Variants in OSBPL10 observed in about 807,000 individuals in gnomAD.
OSBPL10 encodes the protein oxysterol binding protein like 10, also known as oxysterol-binding protein-related protein 10.
Under a neutral mutation model 81.7 loss-of-function variants are expected in OSBPL10, and 49 were observed. That is an observed-to-expected ratio of 0.60 (90% CI 0.48 to 0.76). OSBPL10 has a LOEUF of 0.76. OSBPL10 is among the 30% of genes least tolerant of loss of function. The probability of loss-of-function intolerance (pLI) is 0.00; values close to 1 mark genes in which losing one functional copy is unlikely to be tolerated. For missense variants in OSBPL10, 923 were observed against 987.8 expected (o/e 0.93, Z 0.88); for synonymous variants, 419 against 383.6 (o/e 1.09, Z -1.08).
At chr3:32,023,293 C>A (rs568642495) in intron 2 of OSBPL10, among the ~76,000 whole-genome samples, 1 of 152,164 alleles carries the variant, frequency 6.6e-6, no homozygotes, top group Non-Finnish European at 1.5e-5. Context: ...ATAAGTCTCA[C>A]AGGATCTCAT....
At chr3:32,064,778 A>G (rs1171581186) in intron 1 of OSBPL10, 2 of 93,184 alleles carry the variant, frequency 2.1e-5, no homozygotes, top group African/African-American at 5.5e-5. Context: ...CTCAAGGGGA[A>G]GTGCTACATA....
chr3:31,702,454 C>T lies in OSBPL10; in HGVS notation c.1150G>A (p.Asp384Asn), dbSNP rs138614956. 3.7e-6 allele frequency: 6 copies of T among 1,614,188 alleles called. No homozygotes were observed. Among genetic ancestry groups the T allele is most frequent in the Admixed American group, 1.7e-5 (1 of 60,032 alleles). ...LSEDEKSDNE[D>N]KEETELGVME... ...ACGCCCAATTCCGTCTCTTCCTTAT[C>T]TTCATTGTCACTTTTTTCATCTTCA... The change falls in exon 7 of 12, where the codon GAT becomes AAT. Residue 384 changes from aspartate to asparagine, a missense_variant. Coordinates refer to ENST00000396556, the MANE Select transcript of OSBPL10 (RefSeq NM_017784.5).
intron 4 of OSBPL10, among the ~76,000 whole-genome samples, chr3:31,755,851 C>T (rs1304439769): frequency 6.6e-6 from 1 of 152,214 alleles, no homozygotes. Context: ...ACTCAAAAGA[C>T]ACTTTCTGAA....
chr3:31,804,555 C>T (rs1699476495), intron 4 of OSBPL10, among the ~76,000 whole-genome samples: 1 of 152,162 alleles, frequency 6.6e-6, no homozygotes, highest in Non-Finnish European at 1.5e-5. Context: ...AGAAAAATAT[C>T]TGAAGCCCTT....
intron 1 of OSBPL10, among the ~76,000 whole-genome samples, chr3:31,884,725 T>C (rs1263917127): frequency 6.6e-6 from 1 of 152,186 alleles, no homozygotes; most frequent in Non-Finnish European, 1.5e-5. Flanking sequence ...GATAAAATCC[T>C]GAAACATTCT....
At chr3:31,724,709 TCAGA>T (rs1336262494) in intron 6 of OSBPL10, among the ~76,000 whole-genome samples, 1 of 152,206 alleles carries the variant, frequency 6.6e-6, no homozygotes, top group East Asian at 1.9e-4. Flanking sequence ...TGCCTTGTAC[TCAGA>T]CAGCTCATGA....
At chr3:31,970,904 A>G (rs1232119532) in intron 1 of OSBPL10, among the ~76,000 whole-genome samples, 1 of 152,154 alleles carries the variant, frequency 6.6e-6, no homozygotes, top group East Asian at 1.9e-4. Flanking sequence ...CATGCCTCCA[A>G]ACATTTGTAC....
chr3:31,970,543 G>A (rs1269305370), intron 1 of OSBPL10, among the ~76,000 whole-genome samples: 1 of 152,214 alleles, frequency 6.6e-6, no homozygotes, highest in Non-Finnish European at 1.5e-5. Flanking sequence ...AGGAGGGGGA[G>A]GGATGAAAAT....
intron 4 of OSBPL10, among the ~76,000 whole-genome samples, chr3:31,769,728 T>G (rs1698320427): frequency 6.6e-6 from 1 of 151,998 alleles, no homozygotes; most frequent in Non-Finnish European, 1.5e-5. Context: ...GTTCCCAACC[T>G]TTTCACCACT....
intron 3 of OSBPL10, among the ~76,000 whole-genome samples, chr3:31,833,581 G>A (rs1230372283): frequency 2.6e-5 from 4 of 152,140 alleles, no homozygotes; most frequent in Non-Finnish European, 5.9e-5. Flanking sequence ...ATAAGCAGTC[G>A]CTGAGTCACT....
chr3:31,867,199 T>C (rs13434374), intron 3 of OSBPL10, among the ~76,000 whole-genome samples: 2,795 of 152,220 alleles, frequency 0.018, 96 homozygotes, highest in African/African-American at 0.065. Flanking sequence ...GTGGAGGAGA[T>C]GGGAAACCAG....
chr3:32,039,686 G>C (rs959959339), intron 2 of OSBPL10, among the ~76,000 whole-genome samples: 1 of 151,896 alleles, frequency 6.6e-6, no homozygotes, highest in African/African-American at 2.4e-5. Flanking sequence ...AAATTACTTA[G>C]ATTATTTTAA....
At chr3:31,697,610 C>T (rs1695765590) in intron 7 of OSBPL10, among the ~76,000 whole-genome samples, 1 of 152,178 alleles carries the variant, frequency 6.6e-6, no homozygotes, top group African/African-American at 2.4e-5. Flanking sequence ...ATTATTCTAG[C>T]TGTTCAGGCC....
intron 1 of OSBPL10, among the ~76,000 whole-genome samples, chr3:31,968,199 A>G (rs908817271): frequency 6.6e-6 from 1 of 152,176 alleles, no homozygotes; most frequent in Non-Finnish European, 1.5e-5. Context: ...CTTGACATGG[A>G]TACAGTACTA....
intron 2 of OSBPL10, among the ~76,000 whole-genome samples, chr3:32,024,605 C>T (rs574385513): frequency 2.6e-5 from 4 of 151,638 alleles, no homozygotes; most frequent in South Asian, 2.1e-4. Context: ...CTGCCTCAGC[C>T]CCCCCAGTAG....
chr3:31,920,342 A>G (rs892175426), intron 1 of OSBPL10, among the ~76,000 whole-genome samples: 3 of 152,214 alleles, frequency 2.0e-5, no homozygotes, highest in African/African-American at 7.2e-5. Flanking sequence ...AGGGGATCCT[A>G]GGAAAGAACC....
At chr3:31,871,260 C>G (rs532040536) in intron 3 of OSBPL10, among the ~76,000 whole-genome samples, 1 of 152,174 alleles carries the variant, frequency 6.6e-6, no homozygotes, top group East Asian at 1.9e-4. Context: ...CTGAAGCCAG[C>G]GAGACCATGA....
At chr3:31,761,652 AC>A (rs1575527551) in intron 4 of OSBPL10, among the ~76,000 whole-genome samples, 1 of 151,674 alleles carries the variant, frequency 6.6e-6, no homozygotes, top group East Asian at 1.9e-4. Flanking sequence ...TCCCATCTCT[AC>A]TAAAAATACA....
At chr3:31,739,934 C>A (rs916191139) in intron 5 of OSBPL10, among the ~76,000 whole-genome samples, 4 of 152,122 alleles carry the variant, frequency 2.6e-5, no homozygotes, top group African/African-American at 9.7e-5. Flanking sequence ...TGAACTTCAT[C>A]TTTTTATCTT....
Sources: allele counts gnomAD v4.1 joint callset (sites outside exome capture counted in the v4.1 genomes callset), GRCh38; gene constraint gnomAD v4.1.1; transcripts MANE v1.5; gene names NCBI Gene and HGNC (gene_info 2026-07-23, HGNC 2026-07-21).